The following PTH2R variants were observed in gnomAD, a reference collection of about 807,000 sequenced individuals.
PTH2R encodes parathyroid hormone 2 receptor.
A neutral mutation model predicts 60.3 loss-of-function variants in PTH2R; 59 were observed. The observed-to-expected ratio is 0.98, with a 90% CI of 0.79 to 1.22. The LOEUF is 1.22. Ranked by LOEUF, PTH2R falls within the 50% of genes most tolerant of loss-of-function variation. The probability of loss-of-function intolerance (pLI) is 0.00; values close to 1 mark genes in which losing one functional copy is unlikely to be tolerated. For synonymous variants in PTH2R, 256 were observed against 243.8 expected, an observed-to-expected ratio of 1.05 and a Z score of -0.47; for missense variants, 749 against 682.6, an observed-to-expected ratio of 1.10 and a Z score of -1.08.
intron 1 of PTH2R, among the ~76,000 whole-genome samples, chr2:208,372,311 A>G (rs1700717202): frequency 6.6e-6 from 1 of 152,058 alleles, no homozygotes. Flanking sequence ...AGATTAAAGA[A>G]TATTTCCCAG....
intron 1 of PTH2R, among the ~76,000 whole-genome samples, chr2:208,393,658 G>C (rs1429867995): frequency 6.6e-6 from 1 of 152,248 alleles, no homozygotes; most frequent in Admixed American, 6.5e-5. Context: ...TTCAGCTGCA[G>C]TGAGGGTCTG....
intron 8 of PTH2R, 104 bp downstream of exon 8, chr2:208,450,913 T>C (rs1184349580): frequency 9.4e-6 from 12 of 1,280,436 alleles, no homozygotes; most frequent in African/African-American, 1.5e-5. Flanking sequence ...CCATTGCTTT[T>C]TAGGGATGCC....
chr2:208,399,062 T>C (rs1701261662), intron 1 of PTH2R, among the ~76,000 whole-genome samples: 1 of 152,252 alleles, frequency 6.6e-6, no homozygotes, highest in Non-Finnish European at 1.5e-5. Context: ...AGTTATGCAA[T>C]GTCTCTTCTT....
intron 1 of PTH2R, among the ~76,000 whole-genome samples, chr2:208,424,304 T>C (rs1466973526): frequency 6.6e-6 from 1 of 152,220 alleles, no homozygotes; most frequent in Non-Finnish European, 1.5e-5. Flanking sequence ...CTTGTCATTT[T>C]GGGTTGGGTT....
In PTH2R at chr2:208,455,345, C is replaced by G. The variant is rs562211784; in HGVS notation, c.914+4536C>G. On this transcript the variant is annotated intron_variant, in intron 8 of 12. Transcript: ENST00000272847. ...AAGGCATTTTCTGGTTCAATCATCC[C>G]ATATTAGAGATAAGTAAAATGTGAT... Among the ~76,000 whole-genome samples, 3 of 152,246 alleles carry G rather than the reference C, an allele frequency of 2.0e-5. No homozygotes were observed. In the South Asian group the frequency reaches 6.2e-4, roughly 32 times the overall value.
intron 1 of PTH2R, among the ~76,000 whole-genome samples, chr2:208,366,287 A>G (rs773110426): frequency 6.6e-6 from 1 of 151,946 alleles, no homozygotes; most frequent in Non-Finnish European, 1.5e-5. Flanking sequence ...TGGTGTTTCT[A>G]GAAATTTATC....
At chr2:208,474,588 A>G (rs1435533192) in intron 9 of PTH2R, among the ~76,000 whole-genome samples, 1 of 152,244 alleles carries the variant, frequency 6.6e-6, no homozygotes, top group Non-Finnish European at 1.5e-5. Context: ...TATGTTTTCT[A>G]TGGCTGGAAG....
intron 1 of PTH2R, among the ~76,000 whole-genome samples, chr2:208,415,469 A>C (rs973543665): frequency 1.3e-5 from 2 of 152,180 alleles, no homozygotes; most frequent in African/African-American, 4.8e-5. Flanking sequence ...GACATATTTC[A>C]AGTGCTACAT....
chr2:208,368,410 G>C (rs542158353), intron 1 of PTH2R, among the ~76,000 whole-genome samples: 2 of 152,174 alleles, frequency 1.3e-5, no homozygotes, highest in Non-Finnish European at 2.9e-5. Context: ...GACAAAGCAA[G>C]TATTCTTATA....
chr2:208,420,256 G>A (rs1229404495), intron 1 of PTH2R, among the ~76,000 whole-genome samples: 1 of 151,192 alleles, frequency 6.6e-6, no homozygotes, highest in East Asian at 1.9e-4. Flanking sequence ...TGCACATTGT[G>A]CACATGTACC....
intron 5 of PTH2R, among the ~76,000 whole-genome samples, 181 bp downstream of exon 5, chr2:208,442,642 TAA>T (rs1446025799): frequency 1.3e-5 from 2 of 152,246 alleles, no homozygotes; most frequent in African/African-American, 4.8e-5. Flanking sequence ...GTTCTTTGTT[TAA>T]AAACTTAAAG....
chr2:208,384,236 T>A (rs1283214348), intron 1 of PTH2R, among the ~76,000 whole-genome samples: 2 of 152,066 alleles, frequency 1.3e-5, no homozygotes, highest in Non-Finnish European at 1.5e-5. Flanking sequence ...AGGGTTTGGA[T>A]TGGTAGAAAG....
At chr2:208,390,668 A>G (rs1701092785) in intron 1 of PTH2R, among the ~76,000 whole-genome samples, 2 of 152,182 alleles carry the variant, frequency 1.3e-5, no homozygotes, top group Admixed American at 1.3e-4. Context: ...ATGCTACAGT[A>G]ATTGAGATTC....
At chr2:208,478,369 GA>G (rs1003420679) in intron 9 of PTH2R, among the ~76,000 whole-genome samples, 3 of 152,066 alleles carry the variant, frequency 2.0e-5, no homozygotes, top group African/African-American at 7.2e-5. Flanking sequence ...GTGCTGGGGG[GA>G]GTCCTTATCC....
chr2:208,366,623 T>C (rs1213913639), intron 1 of PTH2R, among the ~76,000 whole-genome samples: 3 of 152,230 alleles, frequency 2.0e-5, no homozygotes, highest in African/African-American at 7.2e-5. Flanking sequence ...CCTCAATCCC[T>C]GCTGGTGCAG....
intron 1 of PTH2R, among the ~76,000 whole-genome samples, chr2:208,364,202 G>A (rs1322355773): frequency 6.6e-6 from 1 of 152,076 alleles, no homozygotes; most frequent in Non-Finnish European, 1.5e-5. Flanking sequence ...GTCCTTCAAT[G>A]AACAAAAGTT....
At chr2:208,478,539 T>C (rs1230714537) in intron 9 of PTH2R, among the ~76,000 whole-genome samples, 2 of 152,226 alleles carry the variant, frequency 1.3e-5, no homozygotes, top group Non-Finnish European at 2.9e-5. Context: ...TTTCCCTCCC[T>C]TTCGGAGGAT....
At chr2:208,373,675 T>A (rs371242582) in intron 1 of PTH2R, among the ~76,000 whole-genome samples, 4 of 152,052 alleles carry the variant, frequency 2.6e-5, no homozygotes, top group Admixed American at 2.6e-4. Context: ...ACTAGAGGGC[T>A]GTGAAGTACT....
intron 10 of PTH2R, among the ~76,000 whole-genome samples, chr2:208,488,356 A>G (rs953956446): frequency 6.6e-6 from 1 of 152,228 alleles, no homozygotes; most frequent in East Asian, 1.9e-4. Flanking sequence ...ACAAGGGAGT[A>G]ATTGATTTTA....
Sources: gnomAD v4.1 joint callset for allele counts (sites outside exome capture counted in the v4.1 genomes callset) on GRCh38, gnomAD v4.1.1 for gene constraint, MANE v1.5 for transcripts, NCBI Gene and HGNC (gene_info 2026-07-23, HGNC 2026-07-21) for gene names.